The following DLST variants were observed in gnomAD, a reference collection of about 807,000 sequenced individuals.
The protein encoded by DLST is dihydrolipoamide S-succinyltransferase, also known as dihydrolipoyllysine-residue succinyltransferase component of 2-oxoglutarate dehydrogenase complex, mitochondrial.
Under a neutral mutation model 53.1 loss-of-function variants are expected in DLST, and 17 were observed. The observed-to-expected ratio is 0.32, with a 90% confidence interval of 0.22 to 0.48. The LOEUF is 0.48. Among genes scored for constraint, DLST ranks in the 20% least tolerant of loss-of-function variants. The pLI, the probability that DLST is intolerant of heterozygous loss-of-function variation, is 0.99. For missense variants in DLST, 512 were observed against 583.9 expected, an observed-to-expected ratio of 0.88 and a Z score of 1.27; for synonymous variants, 206 against 204.8, an observed-to-expected ratio of 1.01 and a Z score of -0.05.
chr14:74,882,128 C>T (rs1195180641), intron 1 of DLST, 112 bp downstream of exon 1: 11 of 1,038,650 alleles, frequency 1.1e-5, no homozygotes, highest in Non-Finnish European at 1.4e-5. Flanking sequence ...ACCAAGGGCA[C>T]TGGGACGCGG....
At chr14:74,882,767 C>T in intron 2 of DLST, 143 bp downstream of exon 2, 1 of 741,516 alleles carries the variant, frequency 1.3e-6, no homozygotes, top group Middle Eastern at 2.6e-4. Flanking sequence ...TACATAATCA[C>T]GAGCTATCGC....
intron 5 of DLST, 114 bp from the exon 6 acceptor site, chr14:74,889,783 T>C: frequency 1.0e-6 from 1 of 973,678 alleles, no homozygotes; most frequent in Non-Finnish European, 1.6e-6. Context: ...CATATGTACT[T>C]TCTGCTGGCC....
chr14:74,884,466 G>C (rs533840881), intron 2 of DLST, among the ~76,000 whole-genome samples: 1 of 152,284 alleles, frequency 6.6e-6, no homozygotes, highest in South Asian at 2.1e-4. Context: ...TGGGCTAGTC[G>C]CTTAACCTCC....
chr14:74,897,047 A>T (rs556806544), intron 10 of DLST, among the ~76,000 whole-genome samples: 1 of 152,212 alleles, frequency 6.6e-6, no homozygotes, highest in South Asian at 2.1e-4. Context: ...AGAGCTCTGA[A>T]ATAGAAGCTA....
chr14:74,890,927 C>T (rs1566791456), intron 6 of DLST, 129 bp from the exon 7 acceptor site: 6 of 1,287,754 alleles, frequency 4.7e-6, no homozygotes, highest in East Asian at 2.7e-5. Context: ...ATCCGCCTGC[C>T]TTGGCATCCC....
rs560243017 is a variant in DLST, at chr14:74,889,367, ATTTTTT to A, written c.274+33_274+38del. On this transcript the variant is annotated intron_variant, in intron 5 of 14. Coordinates refer to ENST00000334220, the MANE Select transcript of DLST (RefSeq NM_001933.5). Reference sequence around the variant, plus strand: ...GGAGAAAGGTAAGATTTAGTTTCCTATTTTTTTTTTTTTTTTTTTTGAGACAGAGTC... The same window carrying A: ...GGAGAAAGGTAAGATTTAGTTTCCTATTTTTTTTTTTTTTGAGACAGAGTC... 29 of 1,210,442 alleles carry A rather than the reference ATTTTTT, an allele frequency of 2.4e-5. No individual in the cohort carries two copies. Among genetic ancestry groups the A allele is most frequent in the African/African-American group, 9.1e-5 (5 of 54,792 alleles). The allele number at this position is 1,210,442 out of a possible 1,614,324, so 75.0% of individuals were successfully genotyped here.
intron 14 of DLST, 49 bp downstream of exon 14, chr14:74,901,282 G>A: frequency 2.6e-6 from 4 of 1,536,418 alleles, no homozygotes; most frequent in Non-Finnish European, 3.5e-6. Flanking sequence ...TCGATGAAAG[G>A]GAAATCCAAC....
intron 7 of DLST, chr14:74,891,656 A>T: frequency 1.0e-6 from 1 of 985,456 alleles, no homozygotes; most frequent in Non-Finnish European, 1.2e-6. Flanking sequence ...AGAAATGAGA[A>T]ACGAATTTGT....
chr14:74,898,577 G>C, intron 11 of DLST, 78 bp downstream of exon 11: 1 of 1,512,454 alleles, frequency 6.6e-7, no homozygotes, highest in Non-Finnish European at 8.9e-7. Context: ...ACATGCAGAG[G>C]ATCAACAGAC....
intron 9 of DLST, 59 bp from the exon 10 acceptor site, chr14:74,894,253 G>A (rs1390179642): frequency 1.0e-5 from 16 of 1,595,108 alleles, no homozygotes; most frequent in South Asian, 7.8e-5. Context: ...CTGACTACAC[G>A]GGGAATGCTT....
At chr14:74,898,780 T>G (rs1213270567) in intron 11 of DLST, among the ~76,000 whole-genome samples, 1 of 152,156 alleles carries the variant, frequency 6.6e-6, no homozygotes, top group Non-Finnish European at 1.5e-5. Context: ...CCAGGCTGTC[T>G]CCTGTCAAGG....
Position 74,881,969 on chromosome 14 carries a change from C to G in DLST, c.16C>G (p.Arg6Gly), listed in dbSNP as rs544892049. ...CTCCGCCGTGATGCTGTCCCGATCCCGCTGTGTGTCTCGGGCGTTCAGCCG... is the reference window on the plus strand; with the variant it reads ...CTCCGCCGTGATGCTGTCCCGATCCGGCTGTGTGTCTCGGGCGTTCAGCCG... Reference protein sequence around the residue: MLSRSRCVSRAFSRSL... With the variant: MLSRSGCVSRAFSRSL... Residue 6 changes from arginine to glycine, a missense_variant, in exon 1 of 15, where the codon CGC (arginine) becomes GGC (glycine). By Grantham distance (125) the Arg-to-Gly change is moderately radical. Transcript: ENST00000334220. 3 of 1,569,918 alleles carry G rather than the reference C, an allele frequency of 1.9e-6. No individual in the cohort carries two copies. Among genetic ancestry groups the G allele is most frequent in the South Asian group, 2.3e-5 (2 of 87,156 alleles).
At chr14:74,898,079 C>T (rs539404807) in intron 10 of DLST, among the ~76,000 whole-genome samples, 1 of 151,706 alleles carries the variant, frequency 6.6e-6, no homozygotes, top group South Asian at 2.1e-4. Flanking sequence ...GCTGTGTGAT[C>T]TCTTGTTCAT....
rs759181378 is a variant in DLST, at chr14:74,900,409, C to T, written c.1059+37C>T. On this transcript the variant is annotated intron_variant, in intron 13 of 14. Coordinates refer to ENST00000334220, the MANE Select transcript of DLST (RefSeq NM_001933.5). ...AGATGTATACAAGCTGCTAAGCAGGCGAGGGAAGAGAGCCTTCAGAAGGCT... is the reference window on the plus strand; with the variant it reads ...AGATGTATACAAGCTGCTAAGCAGGTGAGGGAAGAGAGCCTTCAGAAGGCT... 42 of 1,589,356 alleles carry T rather than the reference C, an allele frequency of 2.6e-5. No individual in the cohort carries two copies. The South Asian group carries it at 3.5e-4, about 13-fold the overall frequency.
intron 3 of DLST, among the ~76,000 whole-genome samples, chr14:74,888,234 G>A (rs1883773794): frequency 6.6e-6 from 1 of 150,882 alleles, no homozygotes. Context: ...CCGAGTAGGA[G>A]ATACCATATG....
intron 3 of DLST, among the ~76,000 whole-genome samples, chr14:74,886,319 A>G (rs1452106523): frequency 1.3e-5 from 2 of 152,152 alleles, no homozygotes; most frequent in African/African-American, 4.8e-5. Flanking sequence ...CTACATCACA[A>G]TGAGGGTTTT....
At chr14:74,891,549 A>G in intron 7 of DLST, 12 of 997,280 alleles carry the variant, frequency 1.2e-5, no homozygotes, top group Middle Eastern at 5.1e-4. Flanking sequence ...AGAATGCTCA[A>G]AGGAAATGCT....
chr14:74,894,536 T>A (rs1287791954), intron 10 of DLST, 127 bp downstream of exon 10: 3 of 1,054,400 alleles, frequency 2.8e-6, no homozygotes. Flanking sequence ...TTTATTGTTT[T>A]TTGTTTGTTT....
intron 10 of DLST, among the ~76,000 whole-genome samples, chr14:74,894,963 C>G (rs1370103655): frequency 3.3e-5 from 5 of 152,126 alleles, no homozygotes; most frequent in Non-Finnish European, 5.9e-5. Flanking sequence ...TGTAGTGGCT[C>G]ACACCTGTAA....
Sources: gnomAD v4.1 joint callset for allele counts (sites outside exome capture counted in the v4.1 genomes callset) on GRCh38, gnomAD v4.1.1 for gene constraint, MANE v1.5 for transcripts, NCBI Gene and HGNC (gene_info 2026-07-23, HGNC 2026-07-21) for gene names.